Variants in GNL3L observed in about 807,000 individuals in gnomAD.
GNL3L encodes G protein nucleolar 3 like.
In GNL3L, 4 loss-of-function variants were observed where a neutral mutation model predicts 42.9. The observed-to-expected ratio is 0.09, with a 90% CI of 0.05 to 0.21. GNL3L has a LOEUF of 0.21. Ranked by LOEUF, GNL3L falls within the 10% of genes least tolerant of loss-of-function variation. The pLI is 1.00. For missense variants in GNL3L, 412 were observed against 481.7 expected (o/e 0.86, Z 1.36); for synonymous variants, 159 against 176.3 (o/e 0.90, Z 0.78).
chrX:54,580,376 A>C (rs1478379902), intron 16 of GNL3L, among the ~76,000 whole-genome samples: 2 of 109,850 alleles, frequency 1.8e-5, no homozygotes, highest in Non-Finnish European at 1.9e-5. Flanking sequence ...ATATGTGCCA[A>C]ATTTTCTTAA....
chrX:54,592,294 C>T (rs921744817), intron 16 of GNL3L, among the ~76,000 whole-genome samples: 2 of 111,582 alleles, frequency 1.8e-5, no homozygotes, highest in African/African-American at 6.5e-5. Context: ...ATTACAATGC[C>T]CTTTATTTCT....
chrX:54,550,862 A>G (rs1569542094), intron 9 of GNL3L, 101 bp from the exon 10 acceptor site: 2 of 534,596 alleles, frequency 3.7e-6, no homozygotes, highest in Non-Finnish European at 6.4e-6. Context: ...TGGCTTCCCC[A>G]TGGCCTGGTT....
chrX:54,539,367 T>G, intron 3 of GNL3L, among the ~76,000 whole-genome samples: 1 of 111,434 alleles, frequency 9.0e-6, no homozygotes, highest in East Asian at 2.8e-4. Context: ...AGTGAGAAAG[T>G]TCCTAGGTTC....
intron 8 of GNL3L, among the ~76,000 whole-genome samples, chrX:54,544,907 CTTGT>C (rs893458666): frequency 9.0e-6 from 1 of 111,400 alleles, no homozygotes. Context: ...CAGTTAACTA[CTTGT>C]TTGTTTGTTT....
intron 15 of GNL3L, 93 bp downstream of exon 15, chrX:54,558,748 C>T: frequency 1.6e-6 from 1 of 616,108 alleles, no homozygotes. Context: ...TCTCCGCCCC[C>T]TGGGTTCAAG....
chrX:54,568,610 G>A (rs1232104495), downstream of GNL3L, among the ~76,000 whole-genome samples: 5 of 107,669 alleles, frequency 4.6e-5, no homozygotes, highest in Non-Finnish European at 9.6e-5. Context: ...CTGTTGTGCA[G>A]TGGCACGATC....
Position 54,541,348 on chromosome X carries a change from T to C in GNL3L, c.265T>C (p.Cys89Arg). The stretch of plus-strand genomic sequence containing the variant: ...AAAACGCAGGACCATTGAGAGCTAC[T>C]GTCAGGATGTCCTAAGACGCCAGGA... ...RQKRRTIESY[C>R]QDVLRRQEEF... The change falls in exon 5 of 16, where the codon TGT (cysteine) becomes CGT (arginine). Residue 89 changes from cysteine (C) to arginine (R), a missense_variant. Cys to Arg is a radical substitution (Grantham distance 180, BLOSUM62 -3). Transcript: ENST00000360845. The C allele has an allele frequency of 8.3e-7, 1 of 1,205,645 alleles. No individual in the cohort carries two copies. The highest frequency in any genetic ancestry group is 1.1e-6 in the Non-Finnish European group (1 of 889,907).
At chrX:54,623,794 TTC>T (rs1183402446), downstream of GNL3L, among the ~76,000 whole-genome samples, 659 of 112,193 alleles carry the variant, frequency 5.9e-3, 6 homozygotes, top group African/African-American at 0.021. Context: ...TTTTTTTAAT[TTC>T]CATTTTGGAT....
the GNL3L span, among the ~76,000 whole-genome samples, chrX:54,639,111 G>GT: frequency 9.0e-6 from 1 of 110,893 alleles, no homozygotes; most frequent in South Asian, 3.9e-4. Context: ...TTAAAATAAT[G>GT]TTTTTTAAAA....
intron 8 of GNL3L, among the ~76,000 whole-genome samples, chrX:54,544,616 C>T (rs1232449154): frequency 7.4e-5 from 8 of 108,447 alleles, no homozygotes; most frequent in Non-Finnish European, 1.1e-4. Context: ...ATTACATGCA[C>T]GCGTCACCAT....
At chrX:54,637,585 C>A in the GNL3L span, among the ~76,000 whole-genome samples, 1 of 111,917 alleles carries the variant, frequency 8.9e-6, no homozygotes, top group Admixed American at 9.5e-5. Flanking sequence ...ATAGTTTTTG[C>A]CAATCTGCAG....
At chrX:54,615,044 AC>A (rs1926205614) in intron 16 of GNL3L, among the ~76,000 whole-genome samples, 1 of 111,556 alleles carries the variant, frequency 9.0e-6, no homozygotes, top group African/African-American at 3.3e-5. Flanking sequence ...CCAAAAGAAA[AC>A]CCTATTACCA....
chrX:54,539,123 G>C, intron 3 of GNL3L, 22 bp downstream of exon 3: 1 of 959,970 alleles, frequency 1.0e-6, no homozygotes, highest in Non-Finnish European at 1.5e-6. Flanking sequence ...CTGTTGTTGA[G>C]GGTAAGGTCA....
At chrX:54,643,349 T>A in the GNL3L span, among the ~76,000 whole-genome samples, 1 of 111,716 alleles carries the variant, frequency 9.0e-6, no homozygotes, top group African/African-American at 3.2e-5. Flanking sequence ...TTGTCTTTTG[T>A]CTTTGCTTGT....
chrX:54,566,706 C>T lies in GNL3L; in HGVS notation c.*6104C>T, dbSNP rs1231517656. On this transcript the variant is annotated 3_prime_UTR_variant, in exon 16 of 16. Coordinates refer to ENST00000360845, the MANE Select transcript of GNL3L (RefSeq NM_001184819.2). ...CACATTTTATTTATCCATTCATCCA[C>T]TGATGGACATGTGCATTGTTCCCAC... Among the ~76,000 whole-genome samples, 1 of 112,398 alleles carries T rather than the reference C, an allele frequency of 8.9e-6. No individual in the cohort carries two copies. Among genetic ancestry groups the T allele is most frequent in the Non-Finnish European group, 1.9e-5 (1 of 53,327 alleles).
intron 16 of GNL3L, among the ~76,000 whole-genome samples, chrX:54,616,654 CTTG>C (rs966443496): frequency 2.7e-5 from 3 of 111,667 alleles, no homozygotes; most frequent in Non-Finnish European, 5.6e-5. Flanking sequence ...AACTGGATGA[CTTG>C]TTGTAGACAG....
At chrX:54,637,907 A>G in the GNL3L span, among the ~76,000 whole-genome samples, 2 of 111,620 alleles carry the variant, frequency 1.8e-5, no homozygotes, top group African/African-American at 6.5e-5. Context: ...GAGATGTAAG[A>G]TGCTTGGCCA....
At chrX:54,574,783 G>T (rs897515010) in intron 16 of GNL3L, among the ~76,000 whole-genome samples, 8 of 111,648 alleles carry the variant, frequency 7.2e-5, no homozygotes, top group Non-Finnish European at 1.3e-4. Context: ...TTCCTGATTC[G>T]GTATCTTGTT....
chrX:54,564,075 C>T lies in GNL3L; in HGVS notation c.*3473C>T, dbSNP rs373426765. On this transcript the variant is annotated 3_prime_UTR_variant, in exon 16 of 16. Coordinates refer to ENST00000360845, the MANE Select transcript of GNL3L (RefSeq NM_001184819.2). ...GTAGTCAACTCCTACCCCCGACCCT[C>T]AGATTCTGCTAACCACTGATTTGTT... Among the ~76,000 whole-genome samples the T allele has an allele frequency of 1.8e-5, 2 of 110,493 alleles. No individual in the cohort carries two copies. The highest frequency in any genetic ancestry group is 6.6e-5 in the African/African-American group (2 of 30,299).
Sources: allele counts gnomAD v4.1 joint callset (sites outside exome capture counted in the v4.1 genomes callset), GRCh38; gene constraint gnomAD v4.1.1; transcripts MANE v1.5; gene names NCBI Gene and HGNC (gene_info 2026-07-23, HGNC 2026-07-21).